The following SLC25A42 variants were observed in gnomAD, a reference collection of about 807,000 sequenced individuals.
The protein encoded by SLC25A42 is mitochondrial coenzyme A transporter SLC25A42.
A neutral mutation model predicts 34.7 loss-of-function variants in SLC25A42; 19 were observed. The ratio of observed to expected loss-of-function variants is 0.55; its 90% confidence interval spans 0.38 to 0.80. SLC25A42 has a LOEUF of 0.80. Ranked by LOEUF, SLC25A42 falls within the 30% of genes least tolerant of loss-of-function variation. The pLI, the probability that SLC25A42 is intolerant of heterozygous loss-of-function variation, is 0.00. For missense variants in SLC25A42, 364 were observed against 441.3 expected (o/e 0.82, Z 1.57); for synonymous variants, 205 against 191.2 (o/e 1.07, Z -0.59).
chr19:19,065,036 C>T lies in SLC25A42; in HGVS notation c.-35+921C>T, dbSNP rs150141331. Among the ~76,000 whole-genome samples the T allele has an allele frequency of 2.4e-4, 36 of 152,324 alleles. 1 individual carries two copies. In the East Asian group the frequency reaches 6.6e-3, roughly 28 times the overall value. Reference sequence around the variant, plus strand: ...AGAGCCTATTCTACCCTGGGCATCGCTGACCCTCTGCTGTGGACCCACCGC... The same window carrying T: ...AGAGCCTATTCTACCCTGGGCATCGTTGACCCTCTGCTGTGGACCCACCGC... On this transcript the variant is annotated intron_variant, in intron 1 of 7. Transcript: ENST00000318596.
At chr19:19,080,354 C>T (rs1393436946) in intron 1 of SLC25A42, among the ~76,000 whole-genome samples, 3 of 152,100 alleles carry the variant, frequency 2.0e-5, no homozygotes, top group Admixed American at 6.6e-5. Context: ...GACAGCCCCA[C>T]CCCCTACCCA....
intron 2 of SLC25A42, among the ~76,000 whole-genome samples, chr19:19,098,077 G>T (rs751137010): frequency 6.6e-6 from 1 of 152,038 alleles, no homozygotes; most frequent in African/African-American, 2.4e-5. Context: ...TCCTTCTTTC[G>T]TAGGATCTCC....
rs1041667656 is a variant in SLC25A42, at chr19:19,110,962, C to A, written c.*86C>A. On this transcript the variant is annotated 3_prime_UTR_variant, in exon 8 of 8. Coordinates refer to ENST00000318596, the MANE Select transcript of SLC25A42 (RefSeq NM_178526.5). ...GAACGGTGGGGGGGTGCGCTTGATTCTACTTCAGGAGGCACATGGGGCGCT... is the reference window on the plus strand; with the variant it reads ...GAACGGTGGGGGGGTGCGCTTGATTATACTTCAGGAGGCACATGGGGCGCT... The A allele has an allele frequency of 2.0e-6, 3 of 1,482,322 alleles. No individual in the cohort carries two copies. The highest frequency in any genetic ancestry group is 2.8e-5 in the African/African-American group (2 of 71,254). The allele number at this position is 1,482,322 out of a possible 1,614,324, so 91.8% of individuals were successfully genotyped here.
At chr19:19,105,807 C>A in intron 5 of SLC25A42, 80 bp downstream of exon 5, 1 of 1,236,634 alleles carries the variant, frequency 8.1e-7, no homozygotes. Context: ...GCCCCGCTCC[C>A]TCCTCTTCGT....
Position 19,099,929 on chromosome 19 carries a change from T to C in SLC25A42, c.82-1852T>C, listed in dbSNP as rs375011414. 4.2e-4 allele frequency among the ~76,000 whole-genome samples: 64 copies of C among 151,850 alleles called. No homozygotes were observed. In the South Asian group the frequency reaches 0.013, roughly 31 times the overall value. ...TTTTAGTAGAGATGGGGTTTCACCA[T>C]GTTGGGCACGCTGGTCTCGAACTCC... On this transcript the variant is annotated intron_variant, in intron 2 of 7. Coordinates refer to ENST00000318596, the MANE Select transcript of SLC25A42 (RefSeq NM_178526.5).
intron 1 of SLC25A42, among the ~76,000 whole-genome samples, chr19:19,064,715 C>A (rs1404724909): frequency 1.3e-5 from 2 of 151,184 alleles, no homozygotes; most frequent in African/African-American, 2.4e-5. Context: ...ACCTCTGTCT[C>A]CCCCTTTTCT....
At chr19:19,064,519 C>G (rs1461019172) in intron 1 of SLC25A42, among the ~76,000 whole-genome samples, 1 of 148,520 alleles carries the variant, frequency 6.7e-6, no homozygotes, top group African/African-American at 2.5e-5. Flanking sequence ...CCCACACCCA[C>G]ACCTGAGCCT....
intron 4 of SLC25A42, chr19:19,105,269 T>C (rs1017359445): frequency 7.0e-6 from 4 of 574,088 alleles, no homozygotes; most frequent in African/African-American, 1.9e-5. Flanking sequence ...AGACATGCCC[T>C]TGGGCAGGGC....
chr19:19,095,255 T>C (rs1337329923), intron 1 of SLC25A42, among the ~76,000 whole-genome samples: 6 of 151,238 alleles, frequency 4.0e-5, no homozygotes, highest in South Asian at 2.1e-4. Flanking sequence ...GGAGGATCAC[T>C]TGGGCTCAGG....
At chr19:19,106,033 C>G (rs1204211339) in intron 5 of SLC25A42, 1 of 554,152 alleles carries the variant, frequency 1.8e-6, no homozygotes, top group Non-Finnish European at 3.2e-6. Flanking sequence ...AGGGAAAATA[C>G]GCATCATTAA....
intron 2 of SLC25A42, 65 bp from the exon 3 acceptor site, chr19:19,101,715 TG>T: frequency 7.0e-7 from 1 of 1,436,250 alleles, no homozygotes; most frequent in Non-Finnish European, 9.6e-7. Context: ...AAGGCACTTC[TG>T]GGGCAAGGTC....
At chr19:19,088,494 C>T (rs2059720798) in intron 1 of SLC25A42, among the ~76,000 whole-genome samples, 1 of 151,644 alleles carries the variant, frequency 6.6e-6, no homozygotes, top group Non-Finnish European at 1.5e-5. Flanking sequence ...GTGTGAGCCA[C>T]CGCGCCTGGC....
intron 1 of SLC25A42, 44 bp from the exon 2 acceptor site, chr19:19,096,047 C>T: frequency 7.6e-7 from 1 of 1,312,126 alleles, no homozygotes; most frequent in South Asian, 1.2e-5. Context: ...CCCACCATCT[C>T]TCAGGATCTC....
At chr19:19,066,868 C>T (rs1336176170) in intron 1 of SLC25A42, among the ~76,000 whole-genome samples, 4 of 152,000 alleles carry the variant, frequency 2.6e-5, no homozygotes, top group Non-Finnish European at 5.9e-5. Flanking sequence ...ACACTTCAGA[C>T]CCCCCTGTCT....
chr19:19,094,886 A>T (rs1188342772), intron 1 of SLC25A42, among the ~76,000 whole-genome samples: 1 of 152,042 alleles, frequency 6.6e-6, no homozygotes, highest in Admixed American at 6.6e-5. Flanking sequence ...ACAAAATATA[A>T]AATGAAAAAT....
chr19:19,096,256 C>CCCCCCCCCCCCCCCCCCAGCCCCCCCCCA, intron 2 of SLC25A42, 51 bp downstream of exon 2: 1 of 1,274,030 alleles, frequency 7.8e-7, no homozygotes, highest in Non-Finnish European at 1.1e-6. Context: ...CCCCAGCCTC[C>CCCCCCCCCCCCCCCCCCAGCCCCCCCCCA]CCACCCCCCC....
chr19:19,111,141 C>G lies in SLC25A42; in HGVS notation c.*265C>G. The G allele has an allele frequency of 1.9e-6, 1 of 528,956 alleles. No individual in the cohort carries two copies. The highest frequency in any genetic ancestry group is 3.4e-6 in the Non-Finnish European group (1 of 296,582). 32.8% of individuals were successfully genotyped at this position (528,956 alleles called of 1,614,324 possible). A position where few individuals can be genotyped will look rare whatever the true frequency, so the allele number is the denominator to read the frequency against. On this transcript the variant is annotated 3_prime_UTR_variant, in exon 8 of 8. Coordinates refer to ENST00000318596, the MANE Select transcript of SLC25A42 (RefSeq NM_178526.5). ...CTCTGCAGACGCTGGCGCTGTCTGC[C>G]GGAGGTGTTGCCCAAAAGGCCCTAG...
rs112437208 is a variant in SLC25A42, at chr19:19,109,288, C to T, written c.649+1243C>T. Among the ~76,000 whole-genome samples the T allele has an allele frequency of 8.3e-4, 127 of 152,306 alleles. No homozygotes were observed. Among genetic ancestry groups the T allele is most frequent in the Non-Finnish European group, 1.5e-3 (105 of 68,016 alleles). On this transcript the variant is annotated intron_variant, in intron 7 of 7. Transcript: ENST00000318596. The surrounding 1 kb of genome is among the most constrained non-coding windows in gnomAD (Gnocchi z 4.1). Reference sequence around the variant, plus strand: ...TGTGATCAGCCGACATCCAGGAGCTCGTCTCCTTGTGTGACTGTAAAACCC... The same window carrying T: ...TGTGATCAGCCGACATCCAGGAGCTTGTCTCCTTGTGTGACTGTAAAACCC...
At chr19:19,065,359 T>A (rs1356858192) in intron 1 of SLC25A42, among the ~76,000 whole-genome samples, 2 of 152,162 alleles carry the variant, frequency 1.3e-5, no homozygotes, top group Admixed American at 6.5e-5. Context: ...GGAAACACTC[T>A]TTAGAGTGAG....
Sources: gnomAD v4.1 joint callset for allele counts (sites outside exome capture counted in the v4.1 genomes callset) on GRCh38, gnomAD v4.1.1 for gene constraint, Gnocchi (gnomAD v3.1) non-coding constraint, MANE v1.5 for transcripts, NCBI Gene and HGNC (gene_info 2026-07-23, HGNC 2026-07-21) for gene names.